PRKD3: variants seen among roughly 807,000 people sequenced by gnomAD.
PRKD3 encodes protein kinase D3, also known as serine/threonine-protein kinase D3.
In PRKD3, 47 loss-of-function variants were observed where a neutral mutation model predicts 99.2. That is an observed-to-expected ratio of 0.47 (90% confidence interval 0.38 to 0.60). PRKD3 has a LOEUF of 0.60. PRKD3 is among the 20% of genes least tolerant of loss of function. The pLI is 0.00. For synonymous variants in PRKD3, 392 were observed against 355.4 expected (o/e 1.10, Z -1.16); for missense variants, 1,019 against 1,088.4 (o/e 0.94, Z 0.90).
At position 37,299,972 on chromosome 2, in the gene PRKD3, C is replaced by T. The variant is rs541603621; in HGVS notation, c.289-6701G>A. ...AGTACAGTCACTATGAAAAACAGCA[C>T]GGAGGTTGCCAAAAATAAAACCACC... is the stretch of plus-strand genomic sequence containing the variant. On this transcript the variant is annotated intron_variant, in intron 2 of 18. Transcript: ENST00000234179. 3.6e-4 allele frequency among the ~76,000 whole-genome samples: 55 copies of T among 152,216 alleles called. No homozygotes were observed. The South Asian group carries it at 8.3e-3, about 23-fold the overall frequency.
chr2:37,292,019 G>C (rs560702324), intron 3 of PRKD3, among the ~76,000 whole-genome samples: 13 of 152,278 alleles, frequency 8.5e-5, no homozygotes, highest in Non-Finnish European at 1.6e-4. Flanking sequence ...GAATGCGTGA[G>C]GTGGAAAAAG....
At chr2:37,272,358 A>G in intron 12 of PRKD3, 22 bp downstream of exon 12, 2 of 1,599,464 alleles carry the variant, frequency 1.3e-6, no homozygotes, top group East Asian at 2.2e-5. Flanking sequence ...CAGTTTACAC[A>G]TTAGCTATAA....
At chr2:37,284,631 T>G (rs1409295278) in intron 6 of PRKD3, among the ~76,000 whole-genome samples, 5 of 152,232 alleles carry the variant, frequency 3.3e-5, no homozygotes, top group African/African-American at 1.2e-4. Context: ...TATTAATTTA[T>G]GTAGTAACTC....
intron 13 of PRKD3, chr2:37,267,902 G>A (rs1462704479): frequency 1.5e-5 from 3 of 201,904 alleles, no homozygotes; most frequent in South Asian, 8.5e-5. Context: ...TAGATTCAAT[G>A]AGTCAGCACA....
chr2:37,295,265 T>C (rs1162200130), intron 2 of PRKD3, among the ~76,000 whole-genome samples: 3 of 151,856 alleles, frequency 2.0e-5, no homozygotes, highest in Admixed American at 6.6e-5. Context: ...ATATATATAG[T>C]ATAAGGCAAA....
chr2:37,272,390 T>C lies in PRKD3; in HGVS notation c.1694A>G (p.Gln565Arg), dbSNP rs761762972. 2 of 1,605,998 alleles carry C rather than the reference T, an allele frequency of 1.2e-6. No homozygotes were observed. The highest frequency in any genetic ancestry group is 1.3e-5 in the African/African-American group (1 of 74,536). Residue 565 changes from glutamine to arginine, a missense_variant, in exon 12 of 19, where the codon CAG (glutamine) becomes CGG (arginine). Gln to Arg is a conservative substitution (Grantham distance 43, BLOSUM62 1). Around this residue, in one of 3 missense-constraint regions of PRKD3, gnomAD observed 710 missense variants for 692.7 expected, o/e 1.02. Coordinates refer to ENST00000234179, the MANE Select transcript of PRKD3 (RefSeq NM_005813.6). ...ATAACGATTACTTACCACATTCTCC[T>C]GAATCTGACAATTAGATACAGAGAT... ...TSISVSNCQIQENVDISTVYQ... is the reference protein window; with the variant it reads ...TSISVSNCQIRENVDISTVYQ...
chr2:37,275,178 CA>C (rs1669504196), intron 10 of PRKD3, among the ~76,000 whole-genome samples: 1 of 146,220 alleles, frequency 6.8e-6, no homozygotes, highest in Non-Finnish European at 1.5e-5. Flanking sequence ...ATTTTTAGTC[CA>C]CTTCCTAAGG....
chr2:37,286,706 C>T (rs1670111111), intron 5 of PRKD3, among the ~76,000 whole-genome samples: 1 of 152,160 alleles, frequency 6.6e-6, no homozygotes, highest in Admixed American at 6.5e-5. Context: ...TATTGCTGCT[C>T]ATTTTGCATT....
rs571566325 is a variant in PRKD3 at position 37,259,497 on chromosome 2, A to G, written c.2145+86T>C. The G allele has an allele frequency of 4.1e-6, 4 of 985,420 alleles. No homozygotes were observed. The South Asian group carries it at 6.8e-5, about 17-fold the overall frequency. 61.0% of individuals were successfully genotyped at this position (985,420 alleles called of 1,614,324 possible). ...GTAAGGTGGTATGCATTTTTAACCA[A>G]CAGTACTTAGTACACTGCCTTTTAT... On this transcript the variant is annotated intron_variant, in intron 16 of 18. Coordinates refer to ENST00000234179, the MANE Select transcript of PRKD3 (RefSeq NM_005813.6).
At chr2:37,274,085 C>T (rs1436122521) in intron 11 of PRKD3, among the ~76,000 whole-genome samples, 1 of 152,166 alleles carries the variant, frequency 6.6e-6, no homozygotes, top group African/African-American at 2.4e-5. Flanking sequence ...CTGTATCTTA[C>T]AGGTTCTCTT....
At chr2:37,257,060 GATAAGGAAATTGTAAA>G (rs1448229232) in intron 16 of PRKD3, 131 bp from the exon 17 acceptor site, 17 of 1,025,616 alleles carry the variant, frequency 1.7e-5, no homozygotes, top group South Asian at 4.8e-5. Context: ...ATTAATCACA[GATAAGGAAATTGTAAA>G]ATATCCTTTT....
intron 2 of PRKD3, among the ~76,000 whole-genome samples, chr2:37,308,654 C>T (rs1027140629): frequency 2.6e-5 from 4 of 152,064 alleles, no homozygotes; most frequent in Non-Finnish European, 5.9e-5. Flanking sequence ...AGGCTTTTGC[C>T]ATGTTGGCCA....
chr2:37,318,050 C>T (rs1671737339), intron 1 of PRKD3, among the ~76,000 whole-genome samples: 2 of 151,778 alleles, frequency 1.3e-5, no homozygotes, highest in Admixed American at 1.3e-4. Context: ...ATGGTTCTTT[C>T]TAAGTTCCAT....
rs1316495752 is a variant in PRKD3 at position 37,251,481 on chromosome 2, CAT to C, written c.*1694_*1695del. 1.3e-5 allele frequency: 2 copies of C among 152,538 alleles called. No individual in the cohort carries two copies. Among genetic ancestry groups the C allele is most frequent in the African/African-American group, 4.8e-5 (2 of 41,426 alleles). 9.4% of individuals were successfully genotyped at this position (152,538 alleles called of 1,614,324 possible). A position where few individuals can be genotyped will look rare whatever the true frequency, so the allele number is the denominator to read the frequency against. On this transcript the variant is annotated 3_prime_UTR_variant, in exon 19 of 19. Coordinates refer to ENST00000234179, the MANE Select transcript of PRKD3 (RefSeq NM_005813.6). ...TGGCTGCTGTGAGGGTAAACTAAAACATAAAAGAACTTAGAACACAGGAGTAC... is the reference window on the plus strand; with the variant it reads ...TGGCTGCTGTGAGGGTAAACTAAAACAAAAGAACTTAGAACACAGGAGTAC...
intron 10 of PRKD3, among the ~76,000 whole-genome samples, chr2:37,275,104 G>C (rs1001677876): frequency 6.6e-6 from 1 of 151,994 alleles, no homozygotes; most frequent in Non-Finnish European, 1.5e-5. Context: ...CAGAATCTTG[G>C]TCAGTTGTTT....
intron 2 of PRKD3, among the ~76,000 whole-genome samples, chr2:37,304,685 C>G (rs1401589012): frequency 6.8e-6 from 1 of 147,446 alleles, no homozygotes; most frequent in Non-Finnish European, 1.5e-5. Flanking sequence ...GAGGTTACAG[C>G]AAGCCGAAAT....
intron 18 of PRKD3, 100 bp from the exon 19 acceptor site, chr2:37,253,450 G>T: frequency 2.0e-6 from 2 of 979,640 alleles, no homozygotes; most frequent in Non-Finnish European, 2.9e-6. Flanking sequence ...TAGTGCCCTA[G>T]TCAAATAATT....
At chr2:37,259,052 GA>G (rs35409709) in intron 16 of PRKD3, among the ~76,000 whole-genome samples, 70,969 of 148,686 alleles carry the variant, frequency 0.48, 17,212 homozygotes, top group East Asian at 0.62. Context: ...TGAACACTTG[GA>G]AAAAAAAAAA....
chr2:37,272,959 G>A (rs1012242307), intron 11 of PRKD3, among the ~76,000 whole-genome samples: 7 of 147,022 alleles, frequency 4.8e-5, no homozygotes, highest in East Asian at 2.0e-4. Context: ...TCACCTGGGC[G>A]ACATAGCGAG....
Sources: allele counts gnomAD v4.1 joint callset (sites outside exome capture counted in the v4.1 genomes callset), GRCh38; gene constraint gnomAD v4.1.1; regional missense constraint gnomAD v4.1.1; transcripts MANE v1.5; gene names NCBI Gene and HGNC (gene_info 2026-07-23, HGNC 2026-07-21).